The following TCEA1 variants were observed in gnomAD, a reference collection of about 807,000 sequenced individuals.
TCEA1 encodes the protein transcription elongation factor A1.
TCEA1 carries 21 observed loss-of-function variants against 43.8 expected under a neutral mutation model. The observed-to-expected ratio is 0.48, with a 90% CI of 0.34 to 0.69. The LOEUF (loss-of-function observed/expected upper bound fraction) is 0.69, where lower values mean the gene tolerates loss of function less well. Among genes scored for constraint, TCEA1 ranks in the 30% least tolerant of loss-of-function variants. The probability of loss-of-function intolerance (pLI) is 0.01; values close to 1 mark genes in which losing one functional copy is unlikely to be tolerated. For missense variants in TCEA1, 250 were observed against 365.1 expected, an observed-to-expected ratio of 0.68 and a Z score of 2.57; for synonymous variants, 104 against 117.5, an observed-to-expected ratio of 0.88 and a Z score of 0.75.
intron 2 of TCEA1, among the ~76,000 whole-genome samples, chr8:54,001,562 T>C (rs1250840665): frequency 2.0e-5 from 3 of 152,174 alleles, no homozygotes; most frequent in South Asian, 2.1e-4. Context: ...AAAACTCCAC[T>C]TTTTGAATGT....
At chr8:53,968,965 T>C (rs1407428249) in intron 9 of TCEA1, among the ~76,000 whole-genome samples, 1 of 151,962 alleles carries the variant, frequency 6.6e-6, no homozygotes, top group Non-Finnish European at 1.5e-5. Flanking sequence ...AGCAGTAATC[T>C]TTCCAGCTCA....
At chr8:53,971,711 T>C (rs1803163119) in intron 8 of TCEA1, 1 of 201,286 alleles carries the variant, frequency 5.0e-6, no homozygotes, top group African/African-American at 2.4e-5. Flanking sequence ...TTTCAGATTC[T>C]GATTCTGATC....
chr8:53,979,338 C>G (rs889932511), intron 7 of TCEA1, among the ~76,000 whole-genome samples, 167 bp from the exon 8 acceptor site: 1 of 152,054 alleles, frequency 6.6e-6, no homozygotes, highest in African/African-American at 2.4e-5. Flanking sequence ...GAGTTTAATT[C>G]CTTTTAAAAA....
intron 2 of TCEA1, among the ~76,000 whole-genome samples, chr8:54,005,382 A>T (rs1221679255): frequency 6.6e-6 from 1 of 152,186 alleles, no homozygotes; most frequent in Non-Finnish European, 1.5e-5. Context: ...GCAAAGTCAT[A>T]CTTGACAGCA....
chr8:53,972,886 TTGA>T, intron 8 of TCEA1: 1 of 697,434 alleles, frequency 1.4e-6, no homozygotes, highest in Non-Finnish European at 2.7e-6. Flanking sequence ...GATACTACTT[TTGA>T]TGATGAGCCG....
Position 53,982,237 on chromosome 8 carries a change from A to G in TCEA1, c.678+2126T>C, listed in dbSNP as rs901392863. On this transcript the variant is annotated intron_variant, in intron 7 of 9. Transcript: ENST00000521604. ...TCATTGAGAAGAGGTCAATATGTCA[A>G]CATTTAGAGGAGTTTGAAAAAAGTT... Among the ~76,000 whole-genome samples, 6 of 152,236 alleles carry G rather than the reference A, an allele frequency of 3.9e-5. No homozygotes were observed. In the East Asian group the frequency reaches 1.2e-3, roughly 29 times the overall value.
intron 7 of TCEA1, among the ~76,000 whole-genome samples, chr8:53,983,812 T>G (rs1458399798): frequency 1.3e-5 from 2 of 152,192 alleles, no homozygotes; most frequent in East Asian, 3.8e-4. Context: ...TAAAAAACAC[T>G]TGGTGGCCAG....
intron 8 of TCEA1, among the ~76,000 whole-genome samples, chr8:53,974,952 G>A (rs1394767268): frequency 6.6e-6 from 1 of 151,994 alleles, no homozygotes; most frequent in Non-Finnish European, 1.5e-5. Flanking sequence ...TAATTTCTCT[G>A]GGAGCAGGAG....
chr8:53,972,902 G>A (rs1803207425), intron 8 of TCEA1: 2 of 684,058 alleles, frequency 2.9e-6, no homozygotes, highest in South Asian at 2.8e-5. Context: ...ATGAGCCGAA[G>A]GACGTAGCCT....
At chr8:54,016,776 C>A (rs962847223) in intron 1 of TCEA1, among the ~76,000 whole-genome samples, 6 of 151,890 alleles carry the variant, frequency 4.0e-5, no homozygotes, top group African/African-American at 1.5e-4. Context: ...GAGTTTGAGA[C>A]CGGCCTGGCC....
In TCEA1 at chr8:53,970,238, T is replaced by C. The variant is rs376491127; in HGVS notation, c.897+154A>G. On this transcript the variant is annotated intron_variant, in intron 9 of 9. Coordinates refer to ENST00000521604, the MANE Select transcript of TCEA1 (RefSeq NM_006756.4). ...TATTTCTAGTAGGGTAACAAGATGG[T>C]ATATTCCATTACAAGTAGTCAGGGA... 4.4e-5 allele frequency: 31 copies of C among 711,002 alleles called. No individual in the cohort carries two copies. The African/African-American group carries it at 4.9e-4, about 11-fold the overall frequency. 44.0% of individuals were successfully genotyped at this position (711,002 alleles called of 1,614,324 possible).
At chr8:53,980,688 T>G (rs1205156990) in intron 7 of TCEA1, among the ~76,000 whole-genome samples, 3 of 152,202 alleles carry the variant, frequency 2.0e-5, no homozygotes, top group African/African-American at 7.2e-5. Flanking sequence ...TGGGCCTCCC[T>G]ACTCCCTGAG....
Position 53,999,975 on chromosome 8 carries a change from A to G in TCEA1, c.202T>C (p.Ser68Pro). The change falls in exon 3 of 10, where the codon TCT becomes CCT. Residue 68 changes from serine (S) to proline (P), a missense_variant. Physicochemically the swap from Ser to Pro is moderately conservative, Grantham distance 74. Coordinates refer to ENST00000521604, the MANE Select transcript of TCEA1 (RefSeq NM_006756.4). ...AATTTTTTCCAGGATTTGATGAGAG[A>G]CTTTGCCAAAGATGTAACTTCCTCA... Reference protein sequence around the residue: ...TDEEVTSLAKSLIKSWKKLLD... With the variant: ...TDEEVTSLAKPLIKSWKKLLD... 6.2e-7 allele frequency: 1 copy of G among 1,601,164 alleles called. No homozygotes were observed. Among genetic ancestry groups the G allele is most frequent in the Non-Finnish European group, 8.5e-7 (1 of 1,172,452 alleles).
chr8:54,012,343 C>T (rs1290267299), intron 1 of TCEA1, among the ~76,000 whole-genome samples: 3 of 152,124 alleles, frequency 2.0e-5, no homozygotes, highest in Non-Finnish European at 2.9e-5. Flanking sequence ...GGATGGATCA[C>T]GAGGTCAGGA....
At chr8:54,004,639 A>G (rs1330983945) in intron 2 of TCEA1, among the ~76,000 whole-genome samples, 2 of 152,140 alleles carry the variant, frequency 1.3e-5, no homozygotes, top group African/African-American at 4.8e-5. Context: ...AGTTGGGGGG[A>G]ACGGAGAATG....
intron 8 of TCEA1, chr8:53,972,981 G>A (rs1485267396): frequency 3.0e-6 from 2 of 665,914 alleles, no homozygotes; most frequent in African/African-American, 3.6e-5. Flanking sequence ...CATCAATGGT[G>A]GAAATCACTT....
chr8:54,017,889 C>G (rs1804886818), intron 1 of TCEA1, among the ~76,000 whole-genome samples: 1 of 152,146 alleles, frequency 6.6e-6, no homozygotes, highest in Non-Finnish European at 1.5e-5. Context: ...CACCACACTC[C>G]AGCCTGAGTG....
At chr8:53,970,132 A>G (rs1803111532) in intron 9 of TCEA1, 1 of 452,060 alleles carries the variant, frequency 2.2e-6, no homozygotes, top group Non-Finnish European at 3.9e-6. Context: ...GGACAGTGAT[A>G]TAATAATTGA....
At chr8:53,999,702 C>T (rs1330434765) in intron 3 of TCEA1, 1 of 397,810 alleles carries the variant, frequency 2.5e-6, no homozygotes, top group African/African-American at 2.1e-5. Context: ...GAAAATTCTT[C>T]TTACTGAAAG....
Sources: gnomAD v4.1 joint callset for allele counts (sites outside exome capture counted in the v4.1 genomes callset) on GRCh38, gnomAD v4.1.1 for gene constraint, MANE v1.5 for transcripts, NCBI Gene and HGNC (gene_info 2026-07-23, HGNC 2026-07-21) for gene names.